TNR: variants seen among roughly 807,000 people sequenced by gnomAD.
TNR encodes tenascin R.
In TNR, 45 loss-of-function variants were observed where a neutral mutation model predicts 150.4. The ratio of observed to expected loss-of-function variants is 0.30; its 90% CI spans 0.24 to 0.38. The LOEUF is 0.38. TNR is among the 10% of genes least tolerant of loss of function. The probability of loss-of-function intolerance (pLI) is 1.00; values close to 1 mark genes in which losing one functional copy is unlikely to be tolerated. For missense variants in TNR, 1,544 were observed against 1,759.1 expected, an observed-to-expected ratio of 0.88 and a Z score of 2.19; for synonymous variants, 687 against 678.4, an observed-to-expected ratio of 1.01 and a Z score of -0.20.
At chr1:175,577,102 G>C (rs1421805885) in intron 1 of TNR, among the ~76,000 whole-genome samples, 1 of 152,164 alleles carries the variant, frequency 6.6e-6, no homozygotes, top group Non-Finnish European at 1.5e-5. Context: ...GGCAGGGAAA[G>C]GGAGTTCATG....
chr1:175,456,372 A>G (rs1557945413), intron 2 of TNR, among the ~76,000 whole-genome samples: 4 of 152,106 alleles, frequency 2.6e-5, no homozygotes, highest in African/African-American at 9.7e-5. Flanking sequence ...CTTCTAATAT[A>G]CTATGTAATT....
At chr1:175,389,586 G>A (rs553859201) in intron 7 of TNR, among the ~76,000 whole-genome samples, 23 of 152,306 alleles carry the variant, frequency 1.5e-4, no homozygotes, top group Non-Finnish European at 2.8e-4. Flanking sequence ...AAACCTAAGC[G>A]TAAAAACAGA....
chr1:175,553,558 TG>T (rs1469495759), intron 1 of TNR, among the ~76,000 whole-genome samples: 2 of 152,228 alleles, frequency 1.3e-5, no homozygotes, highest in African/African-American at 4.8e-5. Context: ...TCTTTGATTC[TG>T]AGAAATCCCT....
chr1:175,452,268 C>T (rs111766066), intron 2 of TNR, among the ~76,000 whole-genome samples: 62 of 152,366 alleles, frequency 4.1e-4, no homozygotes, highest in African/African-American at 1.5e-3. Flanking sequence ...GTTCTGGGCT[C>T]TGAGGCTCAG....
chr1:175,471,801 T>C (rs1342654259), intron 2 of TNR, among the ~76,000 whole-genome samples: 2 of 152,214 alleles, frequency 1.3e-5, no homozygotes, highest in Non-Finnish European at 2.9e-5. Flanking sequence ...TACTGTAACA[T>C]TTTTACGTTA....
rs370430840 is a variant in TNR, at chr1:175,663,662, T to TAAC, written c.-165+79561_-165+79563dup. Among the ~76,000 whole-genome samples the TAAC allele has an allele frequency of 3.6e-4, 52 of 142,476 alleles. 2 individuals are homozygous for TAAC. The highest frequency in any genetic ancestry group is 1.4e-3 in the African/African-American group (48 of 33,506). The allele number at this position is 142,476 out of a possible 152,430, so 93.5% of individuals were successfully genotyped here. On this transcript the variant is annotated intron_variant, in intron 1 of 22. Transcript: ENST00000367674. ...AAGGAGGGAGGGGGAAGTCCTACACTAACTACTCTGTTAGATTATGGATCT... is the reference window on the plus strand; with the variant it reads ...AAGGAGGGAGGGGGAAGTCCTACACTAACAACTACTCTGTTAGATTATGGATCT...
intron 2 of TNR, among the ~76,000 whole-genome samples, chr1:175,433,248 C>T (rs911940419): frequency 6.6e-6 from 1 of 152,192 alleles, no homozygotes; most frequent in Non-Finnish European, 1.5e-5. Flanking sequence ...GCCATTGATA[C>T]CTCCAGTCTC....
chr1:175,630,900 C>T (rs1664304418), intron 1 of TNR, among the ~76,000 whole-genome samples: 1 of 152,180 alleles, frequency 6.6e-6, no homozygotes, highest in East Asian at 1.9e-4. Context: ...CAGGCCTCTG[C>T]ATGGTCTATC....
chr1:175,668,406 T>C (rs948601321), intron 1 of TNR, among the ~76,000 whole-genome samples: 1 of 152,146 alleles, frequency 6.6e-6, no homozygotes, highest in Non-Finnish European at 1.5e-5. Flanking sequence ...AACTGCTGTG[T>C]CCCTGCACCG....
intron 2 of TNR, among the ~76,000 whole-genome samples, chr1:175,500,720 T>A (rs1310696956): frequency 2.0e-5 from 3 of 152,132 alleles, no homozygotes; most frequent in African/African-American, 7.2e-5. Context: ...CAGCATGCCC[T>A]AAAAAAGCCA....
At chr1:175,520,286 T>C (rs1359160086) in intron 2 of TNR, among the ~76,000 whole-genome samples, 3 of 152,192 alleles carry the variant, frequency 2.0e-5, no homozygotes, top group African/African-American at 4.8e-5. Flanking sequence ...AATCCTTACA[T>C]TACAATTCTT....
rs141860437 is a variant in TNR, at chr1:175,486,288, C to T, written c.-64+41981G>A. Among the ~76,000 whole-genome samples the T allele has an allele frequency of 9.9e-5, 15 of 151,690 alleles. No homozygotes were observed. The East Asian group carries it at 1.6e-3, about 16-fold the overall frequency. The stretch of plus-strand genomic sequence containing the variant: ...ATCCCTTCCCTATCCCCCCACCCCT[C>T]GACAGGCCCTGTTTGTGTGATGTTT... On this transcript the variant is annotated intron_variant, in intron 2 of 22. Transcript: ENST00000367674.
chr1:175,557,677 C>G (rs1661226423), intron 1 of TNR, among the ~76,000 whole-genome samples: 1 of 149,904 alleles, frequency 6.7e-6, no homozygotes, highest in Admixed American at 6.7e-5. Flanking sequence ...GTTGGTGGGA[C>G]TGTAAACTAG....
At position 175,630,732 on chromosome 1, in the gene TNR, C is replaced by A. The variant is rs573233900; in HGVS notation, c.-164-102363G>T. 1.2e-4 allele frequency among the ~76,000 whole-genome samples: 18 copies of A among 152,298 alleles called. No homozygotes were observed. In the East Asian group the frequency reaches 3.5e-3, roughly 29 times the overall value. ...CATCCTTTTAATGAATAAAACACAA[C>A]CTTTTATAACTGTCAGGGCTATTTC... On this transcript the variant is annotated intron_variant, in intron 1 of 22. Coordinates refer to ENST00000367674, the MANE Select transcript of TNR (RefSeq NM_003285.3).
chr1:175,708,136 G>C (rs1413247302), intron 1 of TNR, among the ~76,000 whole-genome samples: 1 of 151,858 alleles, frequency 6.6e-6, no homozygotes, highest in African/African-American at 2.4e-5. Context: ...CTTATTACTT[G>C]CCATTTACAG....
intron 2 of TNR, among the ~76,000 whole-genome samples, chr1:175,477,045 C>T (rs1657576956): frequency 1.3e-5 from 2 of 152,090 alleles, no homozygotes; most frequent in South Asian, 4.2e-4. Flanking sequence ...TTAAATGTTT[C>T]TGTATTTTGG....
intron 2 of TNR, among the ~76,000 whole-genome samples, chr1:175,458,314 A>T (rs1656656426): frequency 6.6e-6 from 1 of 152,216 alleles, no homozygotes; most frequent in African/African-American, 2.4e-5. Context: ...CCATAGATTT[A>T]CTCATCAATC....
intron 9 of TNR, among the ~76,000 whole-genome samples, chr1:175,375,645 T>C (rs544769829): frequency 1.3e-4 from 20 of 151,840 alleles, no homozygotes; most frequent in African/African-American, 4.8e-4. Flanking sequence ...AAGAGGAAAA[T>C]GGTGGCCTCA....
chr1:175,626,698 C>T (rs1558043727), intron 1 of TNR, among the ~76,000 whole-genome samples: 1 of 152,138 alleles, frequency 6.6e-6, no homozygotes, highest in African/African-American at 2.4e-5. Context: ...ATACTAGTTA[C>T]CTATTGTGGT....
Sources: allele counts gnomAD v4.1 joint callset (sites outside exome capture counted in the v4.1 genomes callset), GRCh38; gene constraint gnomAD v4.1.1; transcripts MANE v1.5; gene names NCBI Gene and HGNC (gene_info 2026-07-23, HGNC 2026-07-21).